Variants in SBF2 observed in about 807,000 individuals in gnomAD.
SBF2 encodes the protein SET binding factor 2, also known as myotubularin-related protein 13.
In SBF2, 112 loss-of-function variants were observed where a neutral mutation model predicts 225.2. The observed-to-expected ratio is 0.50, with a 90% CI of 0.43 to 0.58. The LOEUF is 0.58. Among genes scored for constraint, SBF2 ranks in the 20% least tolerant of loss-of-function variants. The pLI is 0.00. For missense variants in SBF2, 1,996 were observed against 2,206.2 expected (o/e 0.90, Z 1.91); for synonymous variants, 763 against 773.3 (o/e 0.99, Z 0.22).
intron 2 of SBF2, among the ~76,000 whole-genome samples, chr11:10,183,322 G>T (rs1956809466): frequency 6.6e-6 from 1 of 152,082 alleles, no homozygotes; most frequent in Non-Finnish European, 1.5e-5. Context: ...GGCCCAAGTA[G>T]CATCCAAAGA....
chr11:10,241,498 A>G (rs1212121450), intron 1 of SBF2, among the ~76,000 whole-genome samples: 1 of 152,226 alleles, frequency 6.6e-6, no homozygotes, highest in Non-Finnish European at 1.5e-5. Flanking sequence ...TATACAATAG[A>G]GAAGAATGAC....
At chr11:10,186,362 T>C (rs1956934621) in intron 2 of SBF2, among the ~76,000 whole-genome samples, 1 of 152,070 alleles carries the variant, frequency 6.6e-6, no homozygotes, top group South Asian at 2.1e-4. Context: ...AGACAGACTC[T>C]GTCTCTAAGA....
chr11:10,062,325 C>T (rs1453675942), intron 2 of SBF2, among the ~76,000 whole-genome samples: 3 of 152,082 alleles, frequency 2.0e-5, no homozygotes, highest in Non-Finnish European at 4.4e-5. Flanking sequence ...GTAACAGAAC[C>T]AAAAATTGAC....
chr11:10,173,280 T>G (rs1730322897), intron 2 of SBF2, among the ~76,000 whole-genome samples: 1 of 152,114 alleles, frequency 6.6e-6, no homozygotes, highest in South Asian at 2.1e-4. Flanking sequence ...TGCCAGACAG[T>G]GGGCACAGGT....
intron 2 of SBF2, among the ~76,000 whole-genome samples, chr11:10,055,995 C>T (rs1431691273): frequency 1.3e-5 from 2 of 151,742 alleles, no homozygotes; most frequent in Non-Finnish European, 2.9e-5. Flanking sequence ...GAAAAATAAA[C>T]ACTTGGAATA....
intron 1 of SBF2, among the ~76,000 whole-genome samples, chr11:10,230,596 C>T (rs1328229671): frequency 1.3e-5 from 2 of 152,080 alleles, no homozygotes; most frequent in Admixed American, 1.3e-4. Flanking sequence ...ATATGAAATT[C>T]TGGGTTGAAA....
Position 10,133,610 on chromosome 11 carries a change from A to G in SBF2, c.141+60292T>C, listed in dbSNP as rs1276629240. The stretch of plus-strand genomic sequence containing the variant: ...CCTGGCTGCTCCGAGTGCGGGGCCC[A>G]CCAAGCCCACGCCCACCCGGAACTC... On this transcript the variant is annotated intron_variant, in intron 2 of 39. Transcript: ENST00000256190. Among the ~76,000 whole-genome samples the G allele has an allele frequency of 9.0e-5, 13 of 143,762 alleles. No individual in the cohort carries two copies. The South Asian group carries it at 1.8e-3, about 20-fold the overall frequency. 94.3% of individuals were successfully genotyped at this position (143,762 alleles called of 152,430 possible). A position where few individuals can be genotyped will look rare whatever the true frequency, so the allele number is the denominator to read the frequency against.
At chr11:10,300,342 A>C (rs1964583167) in intron 1 of SBF2, among the ~76,000 whole-genome samples, 1 of 152,088 alleles carries the variant, frequency 6.6e-6, no homozygotes, top group Non-Finnish European at 1.5e-5. Flanking sequence ...AGAATGAAAA[A>C]ACTATCAATT....
At chr11:10,239,291 A>C (rs545475045) in intron 1 of SBF2, among the ~76,000 whole-genome samples, 1 of 150,828 alleles carries the variant, frequency 6.6e-6, no homozygotes, top group African/African-American at 2.4e-5. Flanking sequence ...TTCTTCCCTA[A>C]CCAACTGCAA....
At chr11:10,021,729 T>C (rs1449327703) in intron 6 of SBF2, among the ~76,000 whole-genome samples, 3 of 152,210 alleles carry the variant, frequency 2.0e-5, no homozygotes, top group Non-Finnish European at 4.4e-5. Flanking sequence ...TTCCTGTCTG[T>C]GCTTTGTAAA....
intron 17 of SBF2, among the ~76,000 whole-genome samples, chr11:9,880,085 A>G (rs371871095): frequency 7.2e-5 from 3 of 41,646 alleles, no homozygotes; most frequent in African/African-American, 4.0e-4. Context: ...TCTGTCTCAT[A>G]AAAAAAAAAA....
intron 8 of SBF2, among the ~76,000 whole-genome samples, chr11:9,998,801 T>C (rs541089834): frequency 1.9e-4 from 29 of 152,352 alleles, no homozygotes; most frequent in East Asian, 1.5e-3. Context: ...AGTGACTTCA[T>C]AGAGCAAACT....
At chr11:10,008,804 T>C (rs921639062) in intron 6 of SBF2, among the ~76,000 whole-genome samples, 2 of 152,198 alleles carry the variant, frequency 1.3e-5, no homozygotes, top group African/African-American at 2.4e-5. Context: ...AACATCACTA[T>C]TGAAGGGACA....
chr11:9,821,824 G>A (rs561209599), intron 28 of SBF2, among the ~76,000 whole-genome samples: 2 of 152,240 alleles, frequency 1.3e-5, no homozygotes, highest in African/African-American at 2.4e-5. Context: ...CCTGAATTGT[G>A]ATATAAAATG....
At chr11:9,814,956 G>A (rs1854375411) in intron 29 of SBF2, among the ~76,000 whole-genome samples, 1 of 152,116 alleles carries the variant, frequency 6.6e-6, no homozygotes, top group Non-Finnish European at 1.5e-5. Flanking sequence ...TGGCTTTCAT[G>A]TTTCTTTGTT....
At chr11:9,957,183 T>C (rs1255162673) in intron 16 of SBF2, 5 of 152,154 alleles carry the variant, frequency 3.3e-5, no homozygotes. Context: ...ACCAAAGCCA[T>C]GGGGATCAAG....
chr11:10,062,814 T>C (rs192360945), intron 2 of SBF2, among the ~76,000 whole-genome samples: 2 of 152,292 alleles, frequency 1.3e-5, no homozygotes, highest in Admixed American at 1.3e-4. Context: ...GAACTACCAT[T>C]TGACTCAGCA....
intron 2 of SBF2, among the ~76,000 whole-genome samples, chr11:10,191,929 C>T (rs1957190883): frequency 6.6e-6 from 1 of 152,248 alleles, no homozygotes; most frequent in Admixed American, 6.5e-5. Flanking sequence ...TTTCCCTTCT[C>T]CCTCTATGAT....
At chr11:10,133,729 T>C (rs1273648427) in intron 2 of SBF2, among the ~76,000 whole-genome samples, 1 of 151,636 alleles carries the variant, frequency 6.6e-6, no homozygotes, top group Non-Finnish European at 1.5e-5. Flanking sequence ...GCTCCGGCCT[T>C]GGCCAGGCCA....
Sources: gnomAD v4.1 joint callset for allele counts (sites outside exome capture counted in the v4.1 genomes callset) on GRCh38, gnomAD v4.1.1 for gene constraint, MANE v1.5 for transcripts, NCBI Gene and HGNC (gene_info 2026-07-23, HGNC 2026-07-21) for gene names.